GHR: variants seen among roughly 807,000 people sequenced by gnomAD.
GHR encodes GH receptor.
A neutral mutation model predicts 67.1 loss-of-function variants in GHR; 35 were observed. The ratio of observed to expected loss-of-function variants is 0.52; its 90% CI spans 0.40 to 0.69. GHR has a LOEUF of 0.69. Among genes scored for constraint, GHR ranks in the 30% least tolerant of loss-of-function variants. GHR has a pLI of 0.00. For synonymous variants in GHR, 272 were observed against 269.1 expected, an observed-to-expected ratio of 1.01 and a Z score of -0.10; for missense variants, 792 against 764.6, an observed-to-expected ratio of 1.04 and a Z score of -0.42.
intron 3 of GHR, among the ~76,000 whole-genome samples, chr5:42,673,869 C>A (rs1005426166): frequency 6.6e-6 from 1 of 152,084 alleles, no homozygotes; most frequent in African/African-American, 2.4e-5. Flanking sequence ...ACCTCAGCAT[C>A]GTGTGATATA....
chr5:42,467,364 G>T lies in GHR; in HGVS notation c.-12+43409G>T, dbSNP rs190093602. The T allele has an allele frequency of 1.8e-3, 1,766 of 983,180 alleles. 2 individuals are homozygous for T. Among genetic ancestry groups the T allele is most frequent in the Non-Finnish European group, 2.5e-3 (1,529 of 610,604 alleles). The allele number at this position is 983,180 out of a possible 1,614,324, so 60.9% of individuals were successfully genotyped here. On this transcript the variant is annotated intron_variant, in intron 1 of 9. Coordinates refer to ENST00000230882, the MANE Select transcript of GHR (RefSeq NM_000163.5). ...GATTTGCAATCTGCGTAAAGGCTTT[G>T]CCAGAATCGTTACAGGCAGAGGGCT...
At chr5:42,540,746 G>A (rs1193760477) in intron 1 of GHR, among the ~76,000 whole-genome samples, 1 of 150,450 alleles carries the variant, frequency 6.6e-6, no homozygotes, top group African/African-American at 2.4e-5. Context: ...TGCAGCAGAA[G>A]GCTGCAACAA....
intron 1 of GHR, among the ~76,000 whole-genome samples, chr5:42,473,237 G>T (rs979908101): frequency 6.6e-6 from 1 of 151,796 alleles, no homozygotes; most frequent in African/African-American, 2.4e-5. Context: ...TTTTTGAGAC[G>T]GAGTCTCACC....
At chr5:42,539,706 G>A (rs1466830348) in intron 1 of GHR, among the ~76,000 whole-genome samples, 1 of 151,902 alleles carries the variant, frequency 6.6e-6, no homozygotes, top group African/African-American at 2.4e-5. Flanking sequence ...TTTTTTCATT[G>A]TTCTGTAATG....
chr5:42,599,296 T>G (rs913538186), intron 2 of GHR, among the ~76,000 whole-genome samples: 1 of 151,460 alleles, frequency 6.6e-6, no homozygotes, highest in Non-Finnish European at 1.5e-5. Flanking sequence ...ATCACAGAAG[T>G]CATAAACTGA....
At chr5:42,602,339 G>T (rs979681658) in intron 2 of GHR, among the ~76,000 whole-genome samples, 1 of 152,098 alleles carries the variant, frequency 6.6e-6, no homozygotes, top group South Asian at 2.1e-4. Flanking sequence ...GAAAATGGGA[G>T]GGGGGCCGTA....
chr5:42,475,614 C>T (rs1250975409), intron 1 of GHR, among the ~76,000 whole-genome samples: 6 of 151,628 alleles, frequency 4.0e-5, no homozygotes, highest in Admixed American at 2.6e-4. Flanking sequence ...AAAAAGGACC[C>T]CCCCACCAAA....
intron 1 of GHR, among the ~76,000 whole-genome samples, chr5:42,563,445 T>C (rs909220718): frequency 4.0e-5 from 6 of 151,294 alleles, no homozygotes; most frequent in Admixed American, 6.6e-5. Flanking sequence ...TGAAACCCCG[T>C]CTCTACTAAA....
intron 2 of GHR, among the ~76,000 whole-genome samples, chr5:42,581,663 T>A (rs758950414): frequency 6.6e-6 from 1 of 152,150 alleles, no homozygotes; most frequent in Non-Finnish European, 1.5e-5. Context: ...CTGGAATTGA[T>A]GGCAGCAGCG....
intron 3 of GHR, among the ~76,000 whole-genome samples, chr5:42,641,847 C>T (rs1330555383): frequency 2.0e-5 from 3 of 152,088 alleles, no homozygotes; most frequent in African/African-American, 4.8e-5. Context: ...GAATATACAC[C>T]AATTCCTTCC....
rs1747025944 is a variant in GHR at position 42,511,728 on chromosome 5, AC to A, written c.-11-54135del. ...TGTGTTTGTGTGAAAGAGGAGAATG[AC>A]TTTTATCAAACCTGGTTTTATGTCT... is the stretch of plus-strand genomic sequence containing the variant. On this transcript the variant is annotated intron_variant, in intron 1 of 9. Coordinates refer to ENST00000230882, the MANE Select transcript of GHR (RefSeq NM_000163.5). Among the ~76,000 whole-genome samples the A allele has an allele frequency of 2.0e-5, 3 of 152,034 alleles. No homozygotes were observed. In the South Asian group the frequency reaches 6.2e-4, roughly 32 times the overall value.
chr5:42,641,975 C>T (rs1475805054), intron 3 of GHR, among the ~76,000 whole-genome samples: 3 of 152,120 alleles, frequency 2.0e-5, no homozygotes, highest in South Asian at 4.2e-4. Context: ...AACCAAAAGA[C>T]TGAGAGGGAA....
chr5:42,565,861 C>T lies in GHR; in HGVS notation c.-11-3C>T, dbSNP rs750507074. ...CTTTACCTTACCCTTTTTGTGATTG[C>T]AGGTCCTACAGGTATGGATCTCTGG... On this transcript the variant is annotated splice_polypyrimidine_tract_variant and splice_region_variant and intron_variant, in intron 1 of 9. Transcript: ENST00000230882. The T allele has an allele frequency of 1.5e-5, 24 of 1,613,682 alleles. No individual in the cohort carries two copies. Among genetic ancestry groups the T allele is most frequent in the Non-Finnish European group, 1.9e-5 (22 of 1,179,612 alleles).
intron 1 of GHR, among the ~76,000 whole-genome samples, chr5:42,470,448 T>G (rs974211254): frequency 1.3e-5 from 2 of 152,112 alleles, no homozygotes; most frequent in African/African-American, 4.8e-5. Context: ...GAATTCATAT[T>G]TGTATTCCCA....
chr5:42,719,144 T>G lies in GHR; in HGVS notation c.1637T>G (p.Val546Gly), dbSNP rs200405800. ...CEADAKKCIP[V>G]APHIKVESHI... ...GCAGATGCCAAAAAGTGCATCCCTG[T>G]GGCTCCTCACATCAAGGTTGAATCA... Residue 546 changes from valine to glycine, a missense_variant, in exon 10 of 10, where the codon GTG becomes GGG. Val to Gly is a moderately radical substitution (Grantham distance 109, BLOSUM62 -3). Coordinates refer to ENST00000230882, the MANE Select transcript of GHR (RefSeq NM_000163.5). 6.2e-7 allele frequency: 1 copy of G among 1,614,138 alleles called. No individual in the cohort carries two copies. Among genetic ancestry groups the G allele is most frequent in the Non-Finnish European group, 8.5e-7 (1 of 1,179,980 alleles).
At chr5:42,509,350 A>G (rs2112259524) in intron 1 of GHR, among the ~76,000 whole-genome samples, 1 of 152,298 alleles carries the variant, frequency 6.6e-6, no homozygotes, top group Non-Finnish European at 1.5e-5. Context: ...AGTCTCCTGG[A>G]CAACTATGTG....
intron 6 of GHR, among the ~76,000 whole-genome samples, chr5:42,704,841 A>G (rs1002203112): frequency 9.2e-5 from 14 of 151,798 alleles, no homozygotes; most frequent in Non-Finnish European, 1.3e-4. Context: ...TTGTATTTCT[A>G]TGGTATTGGT....
intron 3 of GHR, among the ~76,000 whole-genome samples, chr5:42,663,567 A>G (rs1234009174): frequency 2.0e-5 from 3 of 152,348 alleles, no homozygotes; most frequent in East Asian, 3.9e-4. Context: ...AAAACTCTCA[A>G]TAAATTAGGT....
At chr5:42,467,554 G>T in intron 1 of GHR, 1 of 1,510,724 alleles carries the variant, frequency 6.6e-7, no homozygotes, top group Non-Finnish European at 9.1e-7. Flanking sequence ...ACGCCTAAAG[G>T]TTTTTTCTAA....
Sources: gnomAD v4.1 joint callset for allele counts (sites outside exome capture counted in the v4.1 genomes callset) on GRCh38, gnomAD v4.1.1 for gene constraint, MANE v1.5 for transcripts, NCBI Gene and HGNC (gene_info 2026-07-23, HGNC 2026-07-21) for gene names.